Variants in SEC24D observed in about 807,000 individuals in gnomAD.
The protein encoded by SEC24D is protein transport protein Sec24D.
SEC24D carries 69 observed loss-of-function variants against 116.9 expected under a neutral mutation model. The observed-to-expected ratio is 0.59, with a 90% confidence interval of 0.49 to 0.72. The LOEUF (loss-of-function observed/expected upper bound fraction) is 0.72. Among genes scored for constraint, SEC24D ranks in the 30% least tolerant of loss-of-function variants. The pLI is 0.00. For synonymous variants in SEC24D, 405 were observed against 442.8 expected, an observed-to-expected ratio of 0.91 and a Z score of 1.07; for missense variants, 1,131 against 1,264.1, an observed-to-expected ratio of 0.89 and a Z score of 1.60.
intron 8 of SEC24D, among the ~76,000 whole-genome samples, chr4:118,785,697 T>C (rs181552999): frequency 5.3e-5 from 8 of 152,318 alleles, no homozygotes; most frequent in East Asian, 3.9e-4. Flanking sequence ...AAATGACAGA[T>C]ACCATGCAAC....
intron 21 of SEC24D, chr4:118,730,497 C>T (rs1264502588): frequency 2.6e-5 from 4 of 152,230 alleles, no homozygotes; most frequent in Non-Finnish European, 5.9e-5. Context: ...TTGGGTTCAA[C>T]AACTAGACTT....
At position 118,731,431 on chromosome 4, in the gene SEC24D, A is replaced by T; in HGVS notation, c.2753T>A (p.Ile918Lys). The change falls in exon 21 of 23, where the codon ATA becomes AAA. Residue 918 changes from isoleucine to lysine, a missense_variant. Physicochemically the swap from Ile to Lys is moderately radical, Grantham distance 102. Coordinates refer to ENST00000280551, the MANE Select transcript of SEC24D (RefSeq NM_014822.4). The stretch of plus-strand genomic sequence containing the variant: ...GTGTAGACCATTAGCCAGTAAGAAT[A>T]TTCCTTCTTCTGAAAGACGGGACTC... ...CSESRLSEEG[I>K]FLLANGLHMF... 6.2e-7 allele frequency: 1 copy of T among 1,614,052 alleles called. No individual in the cohort carries two copies. The highest frequency in any genetic ancestry group is 8.5e-7 in the Non-Finnish European group (1 of 1,179,932).
intron 3 of SEC24D, among the ~76,000 whole-genome samples, chr4:118,819,491 A>G (rs1560753681): frequency 6.9e-6 from 1 of 144,512 alleles, no homozygotes; most frequent in Non-Finnish European, 1.5e-5. Flanking sequence ...AGATCGCGCC[A>G]CTGCACTCCA....
chr4:118,835,879 C>T (rs1295875327), intron 1 of SEC24D, 62 bp downstream of exon 1: 1 of 152,770 alleles, frequency 6.5e-6, no homozygotes, highest in African/African-American at 2.4e-5. Context: ...CGCCGCAACC[C>T]GCTCCGCTGT....
chr4:118,803,982 G>T (rs1729561698), intron 7 of SEC24D, among the ~76,000 whole-genome samples: 1 of 152,028 alleles, frequency 6.6e-6, no homozygotes, highest in African/African-American at 2.4e-5. Context: ...GCACATAATA[G>T]GTACTGAATA....
chr4:118,725,888 G>T (rs1725386546), intron 22 of SEC24D, among the ~76,000 whole-genome samples: 1 of 152,030 alleles, frequency 6.6e-6, no homozygotes, highest in Admixed American at 6.6e-5. Flanking sequence ...CTCTTCAAGG[G>T]GCACACCCAC....
In SEC24D at chr4:118,744,155, G is replaced by A; in HGVS notation, c.1828C>T (p.Leu610Phe). The change falls in exon 15 of 23, where the codon CTT becomes TTT. Residue 610 changes from leucine (L) to phenylalanine (F), a missense_variant. By Grantham distance (22) the Leu-to-Phe change is conservative. Transcript: ENST00000280551. ...KLVNTDKEKI[L>F]FQPQTNVYDS... is the part of the protein sequence containing the mutation. ...TAGACATTTGTTTGGGGCTGGAAAA[G>A]TATCTGGAAAAAAGATGCAAAAAAA... The A allele has an allele frequency of 1.3e-6, 2 of 1,542,836 alleles. No individual in the cohort carries two copies. Among genetic ancestry groups the A allele is most frequent in the Non-Finnish European group, 1.7e-6 (2 of 1,146,824 alleles).
intron 8 of SEC24D, among the ~76,000 whole-genome samples, chr4:118,792,137 G>A (rs1386921390): frequency 1.4e-5 from 2 of 140,224 alleles, no homozygotes; most frequent in African/African-American, 2.7e-5. Flanking sequence ...GCCCGGCCGC[G>A]ACCCCGTCTG....
chr4:118,810,122 G>GTT lies in SEC24D; in HGVS notation c.802-4169_802-4168insAA, dbSNP rs1560737113. On this transcript the variant is annotated intron_variant, in intron 6 of 22. Coordinates refer to ENST00000280551, the MANE Select transcript of SEC24D (RefSeq NM_014822.4). ...TGTGTGTGTGTGTGTGTGTGTGTGT[G>GTT]TGTGTGTGTGTGTGTCAGAGGGTAT... is the stretch of plus-strand genomic sequence containing the variant. Among the ~76,000 whole-genome samples, 212 of 147,064 alleles carry GTT rather than the reference G, an allele frequency of 1.4e-3. 5 individuals are homozygous for GTT. The highest frequency in any genetic ancestry group is 4.5e-3 in the African/African-American group (184 of 40,456).
chr4:118,779,306 G>T (rs1049556974), intron 8 of SEC24D, among the ~76,000 whole-genome samples: 3 of 152,128 alleles, frequency 2.0e-5, no homozygotes, highest in African/African-American at 7.2e-5. Context: ...AGAGTTTTTA[G>T]CATGAAGGGT....
chr4:118,833,066 C>T (rs751888206), intron 2 of SEC24D, among the ~76,000 whole-genome samples: 2 of 152,168 alleles, frequency 1.3e-5, no homozygotes, highest in African/African-American at 2.4e-5. Context: ...GCTGATTCTG[C>T]ACTATATACA....
Position 118,723,544 on chromosome 4 carries a change from G to A in SEC24D, c.3070C>T (p.His1024Tyr), listed in dbSNP as rs762337193. The change falls in exon 23 of 23, where the codon CAC becomes TAC. Residue 1024 changes from histidine (H) to tyrosine (Y), a missense_variant. By Grantham distance (83) the His-to-Tyr change is moderately conservative. Coordinates refer to ENST00000280551, the MANE Select transcript of SEC24D (RefSeq NM_014822.4). The part of the protein sequence containing the change: ...SSYVDFLCCV[H>Y]KEICQLLN ...TTAAGCAGCTGACAGATCTCCTTGTGAACACAACAAAGGAAATCCACATAA... is the reference window on the plus strand; with the variant it reads ...TTAAGCAGCTGACAGATCTCCTTGTAAACACAACAAAGGAAATCCACATAA... 1.2e-6 allele frequency: 2 copies of A among 1,613,338 alleles called. No homozygotes were observed. The highest frequency in any genetic ancestry group is 1.7e-6 in the Non-Finnish European group (2 of 1,179,650).
chr4:118,783,110 C>T (rs1372253210), intron 8 of SEC24D, among the ~76,000 whole-genome samples: 2 of 152,190 alleles, frequency 1.3e-5, no homozygotes, highest in South Asian at 4.1e-4. Flanking sequence ...GTGGGCTGCA[C>T]CCACTGTCCA....
intron 7 of SEC24D, 140 bp from the exon 8 acceptor site, chr4:118,797,950 TA>T: frequency 1.5e-6 from 1 of 660,108 alleles, no homozygotes. Context: ...ATTTGTTTTT[TA>T]AAAAAGTAGT....
At chr4:118,820,998 A>T (rs115675321) in intron 3 of SEC24D, among the ~76,000 whole-genome samples, 6,646 of 152,186 alleles carry the variant, frequency 0.044, 200 homozygotes, top group Non-Finnish European at 0.063. Context: ...CACTCCCCAT[A>T]TTCAAGTTTG....
At chr4:118,780,907 CTTTTTTTTT>C (rs143712578) in intron 8 of SEC24D, among the ~76,000 whole-genome samples, 2,272 of 62,032 alleles carry the variant, frequency 0.037, 30 homozygotes, top group Middle Eastern at 0.092. Flanking sequence ...GCAACCCCTG[CTTTTTTTTT>C]TTTTTTTTTT....
chr4:118,823,566 A>G (rs1730485119), intron 3 of SEC24D, among the ~76,000 whole-genome samples: 1 of 152,232 alleles, frequency 6.6e-6, no homozygotes, highest in Non-Finnish European at 1.5e-5. Context: ...GAGAAACTCC[A>G]AAGCAAACAC....
intron 2 of SEC24D, among the ~76,000 whole-genome samples, chr4:118,826,588 C>T (rs1040390755): frequency 4.0e-5 from 6 of 151,560 alleles, no homozygotes; most frequent in Non-Finnish European, 8.8e-5. Context: ...ACATGCACTA[C>T]GAGAAGTCGA....
intron 14 of SEC24D, among the ~76,000 whole-genome samples, chr4:118,744,731 CTTATT>C (rs1237662296): frequency 6.6e-6 from 1 of 152,122 alleles, no homozygotes; most frequent in African/African-American, 2.4e-5. Context: ...AGCCTGGGGC[CTTATT>C]TTAATTTACA....
Sources: allele counts gnomAD v4.1 joint callset (sites outside exome capture counted in the v4.1 genomes callset), GRCh38; gene constraint gnomAD v4.1.1; transcripts MANE v1.5; gene names NCBI Gene and HGNC (gene_info 2026-07-23, HGNC 2026-07-21).